Variants in AMHR2 observed in about 807,000 individuals in gnomAD.
AMHR2 encodes anti-Muellerian hormone type-2 receptor.
Under a neutral mutation model 61.4 loss-of-function variants are expected in AMHR2, and 36 were observed. The observed-to-expected ratio is 0.59, with a 90% CI of 0.45 to 0.77. AMHR2 has a LOEUF of 0.77. Ranked by LOEUF, AMHR2 falls within the 30% of genes least tolerant of loss-of-function variation. AMHR2 has a pLI of 0.00. For synonymous variants in AMHR2, 258 were observed against 279.4 expected (o/e 0.92, Z 0.76); for missense variants, 638 against 714.6 (o/e 0.89, Z 1.22).
In AMHR2 at chr12:53,431,325, G is replaced by T; in HGVS notation, c.1574G>T (p.Cys525Phe). ...TTTCCAGAGAGCTGTCCACGTGGCT[G>T]CCCACCTCTCTGCCCAGAAGACTGT... is the stretch of plus-strand genomic sequence containing the variant. ...HPFPESCPRG[C>F]PPLCPEDCTS... Residue 525 changes from cysteine (C) to phenylalanine (F), a missense_variant, in exon 11 of 11, where the codon TGC becomes TTC. Cys to Phe is a radical substitution (Grantham distance 205). Coordinates refer to ENST00000257863, the MANE Select transcript of AMHR2 (RefSeq NM_020547.3). 1.2e-6 allele frequency: 2 copies of T among 1,614,228 alleles called. No individual in the cohort carries two copies. Among genetic ancestry groups the T allele is most frequent in the Non-Finnish European group, 8.5e-7 (1 of 1,180,050 alleles).
rs1939280178 is a variant in AMHR2, at chr12:53,423,900, C to T, written c.-35C>T. 3.7e-6 allele frequency: 6 copies of T among 1,613,144 alleles called. No individual in the cohort carries two copies. Among genetic ancestry groups the T allele is most frequent in the Non-Finnish European group, 2.5e-6 (3 of 1,179,322 alleles). On this transcript the variant is annotated 5_prime_UTR_variant, in exon 1 of 11. Coordinates refer to ENST00000257863, the MANE Select transcript of AMHR2 (RefSeq NM_020547.3). ...CCAGGGGCAGCTGTGCTGGCTTATG[C>T]TCTTCTCCTTCTGCTGCTGCCATCC...
rs1181914244 is a variant in AMHR2, at chr12:53,423,987, A to C, written c.49+4A>C. On this transcript the variant is annotated splice_donor_region_variant and intron_variant, in intron 1 of 10. Coordinates refer to ENST00000257863, the MANE Select transcript of AMHR2 (RefSeq NM_020547.3). The stretch of plus-strand genomic sequence containing the variant: ...TTACTTCCCACAGCTGTGGAAGGTA[A>C]GTGTCTACAGGGAGGGGAAGGGTCT... The C allele has an allele frequency of 1.2e-6, 2 of 1,613,936 alleles. No homozygotes were observed. The highest frequency in any genetic ancestry group is 2.7e-5 in the African/African-American group (2 of 74,906).
intron 6 of AMHR2, among the ~76,000 whole-genome samples, chr12:53,427,188 A>AGT (rs1431971038): frequency 6.6e-6 from 1 of 152,246 alleles, no homozygotes. Context: ...TCAAATGTCA[A>AGT]GTGTGCTAAG....
chr12:53,425,531 G>C lies in AMHR2; in HGVS notation c.579G>C (p.Trp193Cys). ...CAAGGCCAGACTCAGGCAGGGACTGGAGTGTGGAGCTGCAGGAGCTGCCTG... is the reference window on the plus strand; with the variant it reads ...CAAGGCCAGACTCAGGCAGGGACTGCAGTGTGGAGCTGCAGGAGCTGCCTG... ...PEPRPDSGRD[W>C]SVELQELPEL... is the part of the protein sequence containing the mutation. Residue 193 changes from tryptophan to cysteine, a missense_variant, in exon 5 of 11, where the codon TGG becomes TGC. By Grantham distance (215) the Trp-to-Cys change is radical. Transcript: ENST00000257863. 6.2e-7 allele frequency: 1 copy of C among 1,614,108 alleles called. No homozygotes were observed. The highest frequency in any genetic ancestry group is 8.5e-7 in the Non-Finnish European group (1 of 1,180,040).
At chr12:53,425,597 G>A in intron 5 of AMHR2, 24 bp downstream of exon 5, 1 of 1,612,876 alleles carries the variant, frequency 6.2e-7, no homozygotes, top group Non-Finnish European at 8.5e-7. Context: ...GGAGAGAAGG[G>A]CTCCTCTGGG....
At chr12:53,424,518 C>G in intron 2 of AMHR2, 48 bp downstream of exon 2, 1 of 1,597,238 alleles carries the variant, frequency 6.3e-7, no homozygotes, top group Non-Finnish European at 8.5e-7. Flanking sequence ...GGGAGACAGA[C>G]ACATCCTGGG....
Position 53,429,828 on chromosome 12 carries a change from C to G in AMHR2, c.1141-3C>G. ...TCTTGGCCCTTCGTGCCTTGCTCTC[C>G]AGGCTGGCACCCAGAGGTACATGGC... On this transcript the variant is annotated splice_region_variant and splice_polypyrimidine_tract_variant and intron_variant, in intron 8 of 10. Coordinates refer to ENST00000257863, the MANE Select transcript of AMHR2 (RefSeq NM_020547.3). 1 of 1,614,166 alleles carries G rather than the reference C, an allele frequency of 6.2e-7. No individual in the cohort carries two copies. Among genetic ancestry groups the G allele is most frequent in the Non-Finnish European group, 8.5e-7 (1 of 1,180,024 alleles).
At position 53,425,762 on chromosome 12, in the gene AMHR2, T is replaced by G. The variant is rs770410518; in HGVS notation, c.695T>G (p.Phe232Cys). The G allele has an allele frequency of 3.3e-5, 54 of 1,613,890 alleles. No homozygotes were observed. The highest frequency in any genetic ancestry group is 4.4e-5 in the Non-Finnish European group (52 of 1,180,000). Residue 232 changes from phenylalanine to cysteine, a missense_variant, in exon 6 of 11, where the codon TTC (phenylalanine) becomes TGC (cysteine). Coordinates refer to ENST00000257863, the MANE Select transcript of AMHR2 (RefSeq NM_020547.3). ...LQGKLVAIKAFPPRSVAQFQA... is the reference protein window; with the variant it reads ...LQGKLVAIKACPPRSVAQFQA... ...GGAAAACTGGTTGCCATCAAGGCCT[T>G]CCCACCGAGGTCTGTGGCTCAGTTC...
At position 53,428,975 on chromosome 12, in the gene AMHR2, G is replaced by T; in HGVS notation, c.932G>T (p.Gly311Val). 1 of 1,551,502 alleles carries T rather than the reference G, an allele frequency of 6.4e-7. No homozygotes were observed. Among genetic ancestry groups the T allele is most frequent in the Non-Finnish European group, 8.7e-7 (1 of 1,147,026 alleles). Reference sequence around the variant, plus strand: ...CGGATGGCACTGTCCCTGGCCCAGGGCCTGGCATTTCTCCATGAGGAGCGC... The same window carrying T: ...CGGATGGCACTGTCCCTGGCCCAGGTCCTGGCATTTCTCCATGAGGAGCGC... ...SLRMALSLAQ[G>V]LAFLHEERWQ... Residue 311 changes from glycine (G) to valine (V), a missense_variant, in exon 7 of 11, where the codon GGC becomes GTC. Coordinates refer to ENST00000257863, the MANE Select transcript of AMHR2 (RefSeq NM_020547.3).
At chr12:53,424,608 G>A (rs1179046342) in intron 2 of AMHR2, 101 bp from the exon 3 acceptor site, 7 of 1,522,396 alleles carry the variant, frequency 4.6e-6, no homozygotes, top group African/African-American at 1.4e-5. Context: ...TGGAAGGGAC[G>A]CCTCTGATAG....
At chr12:53,425,041 T>G in intron 3 of AMHR2, 124 bp from the exon 4 acceptor site, 1 of 1,582,342 alleles carries the variant, frequency 6.3e-7, no homozygotes, top group Non-Finnish European at 8.6e-7. Flanking sequence ...CCCTGGTGAC[T>G]GGGAGATAAG....
rs1205076584 is a variant in AMHR2, at chr12:53,429,840, C to T, written c.1150C>T (p.Gln384Ter). Residue 384 changes from glutamine to a stop codon, truncating the protein, a stop_gained, in exon 9 of 11, where the codon CAG becomes TAG. Coordinates refer to ENST00000257863, the MANE Select transcript of AMHR2 (RefSeq NM_020547.3). LOFTEE classifies it high-confidence loss of function. ...GTGCCTTGCTCTCCAGGCTGGCACCCAGAGGTACATGGCACCAGAGCTCTT... is the reference window on the plus strand; with the variant it reads ...GTGCCTTGCTCTCCAGGCTGGCACCTAGAGGTACATGGCACCAGAGCTCTT... ...GPAAIMEAGT[Q>*]RYMAPELLDK... The T allele has an allele frequency of 1.2e-6, 2 of 1,614,038 alleles. No homozygotes were observed. Among genetic ancestry groups the T allele is most frequent in the Non-Finnish European group, 1.7e-6 (2 of 1,180,032 alleles).
intron 1 of AMHR2, 130 bp from the exon 2 acceptor site, chr12:53,424,158 G>C: frequency 7.2e-7 from 1 of 1,388,708 alleles, no homozygotes; most frequent in African/African-American, 1.4e-5. Flanking sequence ...TGCTGACCCT[G>C]CTTCCTCCTG....
rs756702665 is a variant in AMHR2 at position 53,431,319 on chromosome 12, G to A, written c.1568G>A (p.Arg523His). 1.1e-5 allele frequency: 17 copies of A among 1,614,070 alleles called. No homozygotes were observed. Among genetic ancestry groups the A allele is most frequent in the Middle Eastern group, 1.6e-4 (1 of 6,082 alleles). Residue 523 changes from arginine to histidine, a missense_variant, in exon 11 of 11, where the codon CGT becomes CAT. By Grantham distance (29) the Arg-to-His change is conservative. Transcript: ENST00000257863. ...ESHPFPESCP[R>H]GCPPLCPEDC... is the part of the protein sequence containing the mutation. ...CACCCCTTTCCAGAGAGCTGTCCAC[G>A]TGGCTGCCCACCTCTCTGCCCAGAA...
At chr12:53,429,749 T>TTG in intron 8 of AMHR2, 82 bp from the exon 9 acceptor site, 1 of 1,606,424 alleles carries the variant, frequency 6.2e-7, no homozygotes, top group Non-Finnish European at 8.5e-7. Context: ...GAGTCTGTAG[T>TTG]TGGGGGGATA....
In AMHR2 at chr12:53,425,295, C is replaced by T. The variant is rs559303061; in HGVS notation, c.502+53C>T. On this transcript the variant is annotated intron_variant, in intron 4 of 10. Transcript: ENST00000257863. Reference sequence around the variant, plus strand: ...TGACCCCAAGACATTGCCCCAAAAGCTCTGACCCCTCTCCAGGCACCCCTG... The same window carrying T: ...TGACCCCAAGACATTGCCCCAAAAGTTCTGACCCCTCTCCAGGCACCCCTG... The T allele has an allele frequency of 1.5e-4, 237 of 1,609,762 alleles. No homozygotes were observed. The East Asian group carries it at 4.7e-3, about 32-fold the overall frequency.
Position 53,431,281 on chromosome 12 carries a change from T to A in AMHR2, c.1530T>A (p.His510Gln). The change falls in exon 11 of 11, where the codon CAT becomes CAA. Residue 510 changes from histidine to glutamine, a missense_variant. By Grantham distance (24) the His-to-Gln change is conservative (BLOSUM62 0). Transcript: ENST00000257863. The part of the protein sequence containing the change: ...CVQQRLAALA[H>Q]PQESHPFPES... ...AGCAGCGCCTGGCTGCCTTGGCCCA[T>A]CCTCAAGAGAGCCACCCCTTTCCAG... The A allele has an allele frequency of 2.5e-6, 4 of 1,614,180 alleles. No homozygotes were observed. The highest frequency in any genetic ancestry group is 3.4e-6 in the Non-Finnish European group (4 of 1,180,034).
chr12:53,428,678 C>T (rs986371366), intron 6 of AMHR2, among the ~76,000 whole-genome samples: 1 of 152,162 alleles, frequency 6.6e-6, no homozygotes, highest in Non-Finnish European at 1.5e-5. Context: ...GGGTCTGGAC[C>T]ACAGTAAGTG....
At chr12:53,429,399 AAAAAAG>A (rs2136967064) in intron 7 of AMHR2, 48 bp from the exon 8 acceptor site, 5 of 1,586,308 alleles carry the variant, frequency 3.2e-6, no homozygotes, top group Non-Finnish European at 4.3e-6. Flanking sequence ...CTCAAAAAAA[AAAAAAG>A]AGGGAGGAAG....
Sources: gnomAD v4.1 joint callset for allele counts (sites outside exome capture counted in the v4.1 genomes callset) on GRCh38, gnomAD v4.1.1 for gene constraint, MANE v1.5 for transcripts, NCBI Gene and HGNC (gene_info 2026-07-23, HGNC 2026-07-21) for gene names.